The following GCG variants were observed in gnomAD, a reference collection of about 807,000 sequenced individuals.
GCG encodes the protein pro-glucagon.
GCG carries 11 observed loss-of-function variants against 22.8 expected under a neutral mutation model. The observed-to-expected ratio is 0.48, with a 90% CI of 0.30 to 0.80. The LOEUF is 0.80. GCG is among the 30% of genes least tolerant of loss of function. The pLI is 0.06. For missense variants in GCG, 222 were observed against 222.0 expected (o/e 1.00, Z 0.00); for synonymous variants, 89 against 72.4 (o/e 1.23, Z -1.16).
chr2:162,150,981 CTTAT>C (rs1255591560), intron 1 of GCG, among the ~76,000 whole-genome samples: 1 of 151,482 alleles, frequency 6.6e-6, no homozygotes, highest in Admixed American at 6.6e-5. Context: ...AAAAATCTCA[CTTAT>C]TTGTTTGTGA....
At chr2:162,143,406 T>C in intron 5 of GCG, 36 bp from the exon 6 acceptor site, 1 of 805,552 alleles carries the variant, frequency 1.2e-6, no homozygotes, top group Non-Finnish European at 2.0e-6. Context: ...TTAACATAAT[T>C]ATAATAAGAT....
intron 1 of GCG, among the ~76,000 whole-genome samples, chr2:162,149,729 G>A (rs1167823028): frequency 6.6e-6 from 1 of 152,050 alleles, no homozygotes; most frequent in African/African-American, 2.4e-5. Context: ...TTTAAATAGT[G>A]TAACTTGGTC....
chr2:162,149,083 A>C lies in GCG; in HGVS notation c.92+4T>G. On this transcript the variant is annotated splice_donor_region_variant and intron_variant, in intron 2 of 5. Coordinates refer to ENST00000418842, the MANE Select transcript of GCG (RefSeq NM_002054.5). ...ATGTTAGTTCGAGACTACGGATTTA[A>C]TACCTGGATTTCTCCTCTGTGTCTT... The C allele has an allele frequency of 6.3e-7, 1 of 1,578,720 alleles. No individual in the cohort carries two copies. The highest frequency in any genetic ancestry group is 8.7e-7 in the Non-Finnish European group (1 of 1,148,292).
At chr2:162,149,365 T>C (rs554376834) in intron 1 of GCG, among the ~76,000 whole-genome samples, 178 bp from the exon 2 acceptor site, 15 of 152,156 alleles carry the variant, frequency 9.9e-5, no homozygotes, top group Non-Finnish European at 1.8e-4. Context: ...GTTATATTAT[T>C]TCCCCAGATT....
rs781016147 is a variant in GCG, at chr2:162,144,182, A to T, written c.393-12T>A. ...CCTCTTCTGGGAAACTAAGAAAATA[A>T]GTGTTAAAATTAGCGTTTGATTAGA... On this transcript the variant is annotated splice_polypyrimidine_tract_variant and intron_variant, in intron 4 of 5. Coordinates refer to ENST00000418842, the MANE Select transcript of GCG (RefSeq NM_002054.5). 1 of 1,603,980 alleles carries T rather than the reference A, an allele frequency of 6.2e-7. No homozygotes were observed. The highest frequency in any genetic ancestry group is 1.1e-5 in the South Asian group (1 of 90,814).
Position 162,147,448 on chromosome 2 carries a change from A to G in GCG, c.159T>C (p.His53=), listed in dbSNP as rs1183668752. Residue 53 remains histidine, a synonymous_variant, in exon 3 of 6, where the codon CAT becomes CAC. Transcript: ENST00000418842. ...DPDQMNEDKR[H]SQGTFTSDYS... The stretch of plus-strand genomic sequence containing the variant: ...AGTCACTGGTGAATGTGCCCTGTGA[A>G]TGGCGCTTGTCCTCGTTCATCTGAT... 2 of 1,613,192 alleles carry G rather than the reference A, an allele frequency of 1.2e-6. No individual in the cohort carries two copies. The highest frequency in any genetic ancestry group is 1.7e-6 in the Non-Finnish European group (2 of 1,179,320).
Position 162,147,462 on chromosome 2 carries a change from C to T in GCG, c.145G>A (p.Glu49Lys), listed in dbSNP as rs755974477. Residue 49 changes from glutamate (E) to lysine (K), a missense_variant, in exon 3 of 6, where the codon GAG (glutamate) becomes AAG (lysine). Physicochemically the swap from Glu to Lys is moderately conservative, Grantham distance 56 (BLOSUM62 1). Coordinates refer to ENST00000418842, the MANE Select transcript of GCG (RefSeq NM_002054.5). ...GTGCCCTGTGAATGGCGCTTGTCCT[C>T]GTTCATCTGATCAGGATCACTGAGT... ...DPLSDPDQMN[E>K]DKRHSQGTFT... 1.8e-5 allele frequency: 29 copies of T among 1,613,048 alleles called. No individual in the cohort carries two copies. In the East Asian group the frequency reaches 3.3e-4, roughly 19 times the overall value.
intron 1 of GCG, 47 bp from the exon 2 acceptor site, chr2:162,149,234 T>A: frequency 9.8e-7 from 1 of 1,017,378 alleles, no homozygotes. Flanking sequence ...CAGGCAAGGA[T>A]TTTTAAACAT....
chr2:162,145,517 C>T, intron 4 of GCG, 23 bp downstream of exon 4: 1 of 1,567,558 alleles, frequency 6.4e-7, no homozygotes. Context: ...CAAAAAATGT[C>T]AAATAAGAAT....
At chr2:162,150,928 T>C (rs145461915) in intron 1 of GCG, among the ~76,000 whole-genome samples, 58 of 152,172 alleles carry the variant, frequency 3.8e-4, no homozygotes, top group African/African-American at 1.1e-3. Flanking sequence ...TCTAATAATA[T>C]TACCAACAAT....
At chr2:162,151,020 A>T (rs1315587630) in intron 1 of GCG, among the ~76,000 whole-genome samples, 1 of 152,156 alleles carries the variant, frequency 6.6e-6, no homozygotes, top group Middle Eastern at 3.2e-3. Flanking sequence ...GTGAAAAAAA[A>T]AAGAATAGAG....
intron 3 of GCG, among the ~76,000 whole-genome samples, 151 bp from the exon 4 acceptor site, chr2:162,145,828 G>A (rs532551281): frequency 2.6e-5 from 4 of 152,280 alleles, no homozygotes; most frequent in African/African-American, 9.6e-5. Flanking sequence ...TTGTCGTGAA[G>A]CTACATTAAT....
rs1686623115 is a variant in GCG at position 162,144,149 on chromosome 2, A to T, written c.414T>A (p.Ile138=). The change falls in exon 5 of 6, where the codon ATT becomes ATA. Residue 138 remains isoleucine (I), a synonymous_variant. Coordinates refer to ENST00000418842, the MANE Select transcript of GCG (RefSeq NM_002054.5). ...GRRDFPEEVA[I]VEELGRRHAD... ...CATGTCTGCGGCCAAGTTCTTCAAC[A>T]ATGGCGACCTCTTCTGGGAAACTAA... is the stretch of plus-strand genomic sequence containing the variant. The T allele has an allele frequency of 3.1e-6, 5 of 1,611,610 alleles. No individual in the cohort carries two copies. In the South Asian group the frequency reaches 5.5e-5, roughly 18 times the overall value.
chr2:162,149,373 AT>A (rs1686777582), intron 1 of GCG, among the ~76,000 whole-genome samples, 186 bp from the exon 2 acceptor site: 1 of 152,138 alleles, frequency 6.6e-6, no homozygotes, highest in African/African-American at 2.4e-5. Context: ...ATTTCCCCAG[AT>A]TTTTTGGAGG....
At chr2:162,145,751 A>G in intron 3 of GCG, 74 bp from the exon 4 acceptor site, 1 of 1,309,480 alleles carries the variant, frequency 7.6e-7, no homozygotes. Flanking sequence ...AGCAGTGGCA[A>G]CTTTGGGTTC....
At chr2:162,145,501 T>G (rs368896073) in intron 4 of GCG, 39 bp downstream of exon 4, 7 of 1,554,484 alleles carry the variant, frequency 4.5e-6, no homozygotes, top group Non-Finnish European at 6.1e-6. Context: ...ATTTTCTGCA[T>G]CAAGGCAAAA....
intron 2 of GCG, among the ~76,000 whole-genome samples, chr2:162,148,370 C>G (rs1177534839): frequency 6.6e-6 from 1 of 152,040 alleles, no homozygotes; most frequent in Admixed American, 6.6e-5. Context: ...TTGCAACATT[C>G]TTTGTGGAAT....
chr2:162,145,533 G>A lies in GCG; in HGVS notation c.392+7C>T. The A allele has an allele frequency of 3.7e-6, 6 of 1,604,986 alleles. No individual in the cohort carries two copies. The highest frequency in any genetic ancestry group is 5.1e-6 in the Non-Finnish European group (6 of 1,176,100). ...AAAAAATGTCAAATAAGAATGTACA[G>A]ACTTACTCTCGCCTTCCTCGGCCTT... is the stretch of plus-strand genomic sequence containing the variant. On this transcript the variant is annotated splice_region_variant and intron_variant, in intron 4 of 5. Transcript: ENST00000418842.
intron 1 of GCG, among the ~76,000 whole-genome samples, chr2:162,151,576 A>C (rs1686838188): frequency 1.3e-5 from 2 of 152,164 alleles, no homozygotes; most frequent in African/African-American, 4.8e-5. Context: ...CAAATAGATG[A>C]CACTTGTTCT....
Sources: allele counts gnomAD v4.1 joint callset (sites outside exome capture counted in the v4.1 genomes callset), GRCh38; gene constraint gnomAD v4.1.1; transcripts MANE v1.5; gene names NCBI Gene and HGNC (gene_info 2026-07-23, HGNC 2026-07-21).